The following BRINP3 variants were observed in gnomAD, a reference collection of about 807,000 sequenced individuals.
BRINP3 encodes the protein BMP/retinoic acid inducible neural specific 3.
In BRINP3, 19 loss-of-function variants were observed where a neutral mutation model predicts 71.0. That is an observed-to-expected ratio of 0.27 (90% CI 0.19 to 0.39). The LOEUF is 0.39. Among genes scored for constraint, BRINP3 ranks in the 10% least tolerant of loss-of-function variants. The probability of loss-of-function intolerance (pLI) is 1.00; values close to 1 mark genes in which losing one functional copy is unlikely to be tolerated. For missense variants in BRINP3, 959 were observed against 940.8 expected, an observed-to-expected ratio of 1.02 and a Z score of -0.25; for synonymous variants, 380 against 337.7, an observed-to-expected ratio of 1.13 and a Z score of -1.37.
chr1:190,284,737 A>G (rs1430661889), intron 2 of BRINP3, among the ~76,000 whole-genome samples: 1 of 152,052 alleles, frequency 6.6e-6, no homozygotes, highest in Non-Finnish European at 1.5e-5. Flanking sequence ...TTGACACCCC[A>G]TCTATTAATC....
chr1:190,377,312 C>T (rs1670246129), intron 2 of BRINP3, among the ~76,000 whole-genome samples: 1 of 151,730 alleles, frequency 6.6e-6, no homozygotes, highest in African/African-American at 2.4e-5. Context: ...CCCTTTAGAC[C>T]GTTTTCCAGA....
At chr1:190,146,617 G>A (rs995134281) in intron 7 of BRINP3, among the ~76,000 whole-genome samples, 1 of 152,108 alleles carries the variant, frequency 6.6e-6, no homozygotes, top group Non-Finnish European at 1.5e-5. Context: ...GGTAAGGAAA[G>A]TATTCATTAT....
chr1:190,114,328 C>T (rs1414759946), intron 7 of BRINP3, among the ~76,000 whole-genome samples: 1 of 152,094 alleles, frequency 6.6e-6, no homozygotes, highest in Non-Finnish European at 1.5e-5. Context: ...CCAATTAAAC[C>T]TCTTTTCTTT....
intron 2 of BRINP3, among the ~76,000 whole-genome samples, chr1:190,325,490 T>A (rs557595614): frequency 5.3e-5 from 8 of 152,114 alleles, no homozygotes; most frequent in Non-Finnish European, 1.0e-4. Flanking sequence ...GGAGAAGTCA[T>A]CGGAAGTAGA....
chr1:190,450,187 C>T (rs1434126883), intron 2 of BRINP3, among the ~76,000 whole-genome samples: 3 of 152,034 alleles, frequency 2.0e-5, no homozygotes, highest in East Asian at 3.9e-4. Context: ...GAGGGAGCTG[C>T]GAAGTTGCTA....
chr1:190,404,189 G>A (rs1039492395), intron 2 of BRINP3, among the ~76,000 whole-genome samples: 9 of 152,074 alleles, frequency 5.9e-5, no homozygotes, highest in Non-Finnish European at 1.3e-4. Flanking sequence ...TTTACAAATA[G>A]TAATTCTAAT....
At chr1:190,214,558 G>A (rs529858214) in intron 6 of BRINP3, among the ~76,000 whole-genome samples, 2 of 152,102 alleles carry the variant, frequency 1.3e-5, no homozygotes, top group African/African-American at 4.8e-5. Context: ...ACTATGAGTT[G>A]TTTGTTTTGG....
At chr1:190,337,016 T>C (rs1667333526) in intron 2 of BRINP3, among the ~76,000 whole-genome samples, 1 of 151,646 alleles carries the variant, frequency 6.6e-6, no homozygotes, top group African/African-American at 2.4e-5. Context: ...CTACATACAA[T>C]ATTATATAAT....
chr1:190,262,338 G>A (rs1227973148), intron 4 of BRINP3, among the ~76,000 whole-genome samples: 1 of 152,012 alleles, frequency 6.6e-6, no homozygotes, highest in Non-Finnish European at 1.5e-5. Flanking sequence ...CCTGAAAGGT[G>A]TAATTGCTCT....
At chr1:190,137,850 C>G (rs1163984820) in intron 7 of BRINP3, among the ~76,000 whole-genome samples, 1 of 152,002 alleles carries the variant, frequency 6.6e-6, no homozygotes, top group Non-Finnish European at 1.5e-5. Flanking sequence ...ATTTTAGATA[C>G]TTTACATATG....
At chr1:190,419,383 A>C (rs12027012) in intron 2 of BRINP3, among the ~76,000 whole-genome samples, 2 of 152,082 alleles carry the variant, frequency 1.3e-5, no homozygotes, top group African/African-American at 4.8e-5. Flanking sequence ...TATGAATTTT[A>C]AGTTTAAATT....
intron 2 of BRINP3, among the ~76,000 whole-genome samples, chr1:190,418,737 T>C (rs1387589725): frequency 6.6e-6 from 1 of 152,138 alleles, no homozygotes; most frequent in Non-Finnish European, 1.5e-5. Context: ...TATATTATTG[T>C]CTGGAATCAG....
chr1:190,162,079 A>C (rs1363077318), intron 6 of BRINP3, among the ~76,000 whole-genome samples: 1 of 152,186 alleles, frequency 6.6e-6, no homozygotes. Context: ...AGGAAAACTA[A>C]GCAAGGTAAC....
rs908190036 is a variant in BRINP3, at chr1:190,301,543, CCAAA to C, written c.237-19797_237-19794del. Among the ~76,000 whole-genome samples, 104 of 151,462 alleles carry C rather than the reference CCAAA, an allele frequency of 6.9e-4. 1 individual carries two copies. Among genetic ancestry groups the C allele is most frequent in the Middle Eastern group, 7.2e-3 (2 of 276 alleles). On this transcript the variant is annotated intron_variant, in intron 2 of 7. Transcript: ENST00000367462. Reference sequence around the variant, plus strand: ...CCTTCATTTATCTCTTTCCTTCCTTCCAAACAATTTTATGTAATGTCCTGAAAAT... The same window carrying C: ...CCTTCATTTATCTCTTTCCTTCCTTCCAATTTTATGTAATGTCCTGAAAAT...
chr1:190,281,168 A>T (rs1334174629), intron 3 of BRINP3, among the ~76,000 whole-genome samples: 1 of 152,014 alleles, frequency 6.6e-6, no homozygotes, highest in Admixed American at 6.6e-5. Flanking sequence ...GGTGCTAACA[A>T]TGTAATTGTA....
chr1:190,132,641 A>T lies in BRINP3; in HGVS notation c.1184+28027T>A, dbSNP rs114274980. Among the ~76,000 whole-genome samples the T allele has an allele frequency of 3.7e-3, 568 of 152,222 alleles. 3 individuals are homozygous for T. Among genetic ancestry groups the T allele is most frequent in the African/African-American group, 0.013 (541 of 41,570 alleles). The stretch of plus-strand genomic sequence containing the variant: ...ATAATAAATGAATGTGCATTTATTC[A>T]GAACTTACACAATATTGTACTCCAT... On this transcript the variant is annotated intron_variant, in intron 7 of 7. Coordinates refer to ENST00000367462, the MANE Select transcript of BRINP3 (RefSeq NM_199051.3).
intron 6 of BRINP3, among the ~76,000 whole-genome samples, chr1:190,213,602 G>A (rs1196326881): frequency 2.0e-5 from 3 of 151,982 alleles, no homozygotes; most frequent in African/African-American, 7.2e-5. Flanking sequence ...AGCAAGGATG[G>A]TACGTGGTTG....
At chr1:190,386,247 A>C (rs966071171) in intron 2 of BRINP3, among the ~76,000 whole-genome samples, 2 of 96,846 alleles carry the variant, frequency 2.1e-5, no homozygotes, top group African/African-American at 3.2e-5. Flanking sequence ...AGAAAAAAAA[A>C]CTTAAAAAAA....
intron 1 of BRINP3, among the ~76,000 whole-genome samples, chr1:190,464,772 T>C (rs1174356088): frequency 1.3e-5 from 2 of 151,996 alleles, no homozygotes; most frequent in Non-Finnish European, 2.9e-5. Context: ...ATTATACAAG[T>C]TAATACCGAC....
Sources: allele counts gnomAD v4.1 joint callset (sites outside exome capture counted in the v4.1 genomes callset), GRCh38; gene constraint gnomAD v4.1.1; transcripts MANE v1.5; gene names NCBI Gene and HGNC (gene_info 2026-07-23, HGNC 2026-07-21).